Variants in FGF14 observed in about 807,000 individuals in gnomAD.
FGF14 encodes the protein fibroblast growth factor 14, also known as fibroblast growth factor homologous factor 4.
FGF14 carries 5 observed loss-of-function variants against 25.5 expected under a neutral mutation model. The ratio of observed to expected loss-of-function variants is 0.20; its 90% CI spans 0.10 to 0.41. The LOEUF is 0.41. Ranked by LOEUF, FGF14 falls within the 10% of genes least tolerant of loss-of-function variation. The probability of loss-of-function intolerance (pLI) is 1.00; values close to 1 mark genes in which losing one functional copy is unlikely to be tolerated. For missense variants in FGF14, 222 were observed against 320.1 expected, an observed-to-expected ratio of 0.69 and a Z score of 2.34; for synonymous variants, 138 against 118.3, an observed-to-expected ratio of 1.17 and a Z score of -1.08.
At position 101,842,952 on chromosome 13, in the gene FGF14, C is replaced by T. The variant is rs182854014; in HGVS notation, c.408+25773G>A. ...AACAACTTGTGTGAAGCAGAAGTGTCCTGGCCAAACTCGGACAAACGATCA... is the reference window on the plus strand; with the variant it reads ...AACAACTTGTGTGAAGCAGAAGTGTTCTGGCCAAACTCGGACAAACGATCA... On this transcript the variant is annotated intron_variant, in intron 3 of 4. Transcript: ENST00000376143. Among the ~76,000 whole-genome samples, 412 of 152,070 alleles carry T rather than the reference C, an allele frequency of 2.7e-3. 1 individual carries two copies. Among genetic ancestry groups the T allele is most frequent in the Admixed American group, 7.5e-3 (114 of 15,264 alleles).
chr13:101,964,473 G>A lies in FGF14; in HGVS notation c.209-89177C>T, dbSNP rs1409061263. On this transcript the variant is annotated intron_variant, in intron 1 of 4. Transcript: ENST00000376131. ...AAGAACAGCCTGCTTTGCAAGGGCT[G>A]AGGACTTCAATCCTGTCTTGTGACA... Among the ~76,000 whole-genome samples the A allele has an allele frequency of 3.9e-5, 6 of 152,172 alleles. No homozygotes were observed. The East Asian group carries it at 1.2e-3, about 29-fold the overall frequency.
At chr13:102,226,521 G>T (rs1397018566) in intron 1 of FGF14, among the ~76,000 whole-genome samples, 1 of 151,882 alleles carries the variant, frequency 6.6e-6, no homozygotes, top group Non-Finnish European at 1.5e-5. Flanking sequence ...TAATATTTTT[G>T]AGATGTTCTT....
intron 1 of FGF14, among the ~76,000 whole-genome samples, chr13:102,075,457 C>G (rs925105304): frequency 6.6e-6 from 1 of 152,124 alleles, no homozygotes; most frequent in Admixed American, 6.5e-5. Context: ...ATGCATTTCT[C>G]ATGTGTTTGT....
intron 1 of FGF14, among the ~76,000 whole-genome samples, chr13:102,270,234 A>ATCTC (rs750909031): frequency 1.3e-5 from 2 of 149,592 alleles, no homozygotes; most frequent in East Asian, 2.0e-4. Flanking sequence ...AATGTCTTTC[A>ATCTC]TCTCTCTCTC....
intron 1 of FGF14, among the ~76,000 whole-genome samples, chr13:101,901,908 TA>T (rs2031607475): frequency 6.6e-6 from 1 of 152,210 alleles, no homozygotes. Flanking sequence ...TTTTAAGCTT[TA>T]CTGAGACATA....
At chr13:102,093,734 C>T (rs1249813812) in intron 1 of FGF14, among the ~76,000 whole-genome samples, 1 of 150,548 alleles carries the variant, frequency 6.6e-6, no homozygotes, top group East Asian at 2.0e-4. Flanking sequence ...AGTTAAATTG[C>T]TTGGTATGTA....
intron 1 of FGF14, among the ~76,000 whole-genome samples, chr13:101,962,660 C>T (rs1448991914): frequency 3.3e-5 from 5 of 152,070 alleles, no homozygotes; most frequent in Admixed American, 6.6e-5. Flanking sequence ...AACTCTACTA[C>T]ACTTTATGAA....
At chr13:102,336,515 G>A (rs1300568309) in intron 1 of FGF14, among the ~76,000 whole-genome samples, 1 of 152,216 alleles carries the variant, frequency 6.6e-6, no homozygotes. Context: ...CAAGTGCAAC[G>A]TGAAACAGCA....
At chr13:102,273,168 G>A (rs1265886054) in intron 1 of FGF14, among the ~76,000 whole-genome samples, 1 of 152,184 alleles carries the variant, frequency 6.6e-6, no homozygotes, top group East Asian at 1.9e-4. Flanking sequence ...AGGTAGCAAC[G>A]CTGGACATAT....
At chr13:102,243,691 T>G (rs2051717940) in intron 1 of FGF14, among the ~76,000 whole-genome samples, 1 of 149,634 alleles carries the variant, frequency 6.7e-6, no homozygotes, top group Non-Finnish European at 1.5e-5. Context: ...TGGCCCTCGA[T>G]GAAATGTATA....
chr13:102,318,896 G>A (rs1249049856), intron 1 of FGF14, among the ~76,000 whole-genome samples: 6 of 152,196 alleles, frequency 3.9e-5, no homozygotes, highest in Admixed American at 2.6e-4. Flanking sequence ...CAATACACAT[G>A]TGAGTTAAAT....
chr13:102,318,102 G>A (rs1446794278), intron 1 of FGF14, among the ~76,000 whole-genome samples: 1 of 152,200 alleles, frequency 6.6e-6, no homozygotes. Context: ...AATGGAGGGA[G>A]TTGGAGGCCC....
rs147809932 is a variant in FGF14 at position 101,765,441 on chromosome 13, T to C, written c.409-38631A>G. 5.6e-3 allele frequency among the ~76,000 whole-genome samples: 847 copies of C among 152,224 alleles called. 7 individuals are homozygous for C. Among genetic ancestry groups the C allele is most frequent in the African/African-American group, 0.02 (817 of 41,532 alleles). ...GGAACACTGCCATAGATTAGGTTAA[T>C]AGTGGTAAAAAGATGCCTTGCTGTC... is the stretch of plus-strand genomic sequence containing the variant. On this transcript the variant is annotated intron_variant, in intron 3 of 4. Transcript: ENST00000376143.
chr13:102,286,686 T>C (rs1019523333), intron 1 of FGF14, among the ~76,000 whole-genome samples: 5 of 152,192 alleles, frequency 3.3e-5, no homozygotes, highest in Non-Finnish European at 5.9e-5. Context: ...TACTGACTAA[T>C]GAATTATTTC....
chr13:102,325,238 A>T (rs983698286), intron 1 of FGF14, among the ~76,000 whole-genome samples: 5 of 150,808 alleles, frequency 3.3e-5, no homozygotes, highest in Admixed American at 6.6e-5. Context: ...TAAACCTGGA[A>T]TTTTTTTTTT....
rs2034826940 is a variant in FGF14 at position 101,719,057 on chromosome 13, A to ATTATT, written c.*3769_*3773dup. On this transcript the variant is annotated 3_prime_UTR_variant, in exon 5 of 5. Transcript: ENST00000376143. ...GAATTAAAATGGAAAAAATATTTCA[A>ATTATT]TTATTTTCATCTTGTTCTCAACTGG... 1 of 152,092 alleles carries ATTATT rather than the reference A, an allele frequency of 6.6e-6. No individual in the cohort carries two copies. Among genetic ancestry groups the ATTATT allele is most frequent in the South Asian group, 2.1e-4 (1 of 4,834 alleles). 9.4% of individuals were successfully genotyped at this position (152,092 alleles called of 1,614,324 possible). A position where few individuals can be genotyped will look rare whatever the true frequency, so the allele number is the denominator to read the frequency against.
intron 1 of FGF14, among the ~76,000 whole-genome samples, chr13:102,364,383 A>C (rs762136667): frequency 6.6e-6 from 1 of 152,330 alleles, no homozygotes; most frequent in Middle Eastern, 3.4e-3. Context: ...GGTGGACTCA[A>C]TTCAGCCTTA....
chr13:102,023,537 CTAAT>C (rs2040778016), intron 1 of FGF14, among the ~76,000 whole-genome samples: 1 of 151,724 alleles, frequency 6.6e-6, no homozygotes, highest in African/African-American at 2.4e-5. Context: ...TCACCACTCT[CTAAT>C]TTTCAAAATT....
chr13:101,750,986 C>T (rs532607817), intron 3 of FGF14, among the ~76,000 whole-genome samples: 11 of 151,972 alleles, frequency 7.2e-5, no homozygotes, highest in African/African-American at 2.2e-4. Context: ...AAAGGCAGAA[C>T]GGAGACAGTA....
Sources: allele counts gnomAD v4.1 joint callset (sites outside exome capture counted in the v4.1 genomes callset), GRCh38; gene constraint gnomAD v4.1.1; transcripts MANE v1.5; gene names NCBI Gene and HGNC (gene_info 2026-07-23, HGNC 2026-07-21).